Variants in ANO7 observed in about 807,000 individuals in gnomAD.
ANO7 encodes anoctamin-7.
In ANO7, 114 loss-of-function variants were observed where a neutral mutation model predicts 115.8. That is an observed-to-expected ratio of 0.98 (90% CI 0.85 to 1.15). The LOEUF is 1.15. Among genes scored for constraint, ANO7 ranks in the 50% most tolerant of loss-of-function variants. The pLI, the probability that ANO7 is intolerant of heterozygous loss-of-function variation, is 0.00. For synonymous variants in ANO7, 550 were observed against 498.2 expected, an observed-to-expected ratio of 1.10 and a Z score of -1.38; for missense variants, 1,302 against 1,201.2, an observed-to-expected ratio of 1.08 and a Z score of -1.24.
At chr2:241,239,871 CAG>C in the ANO7 span, 2 of 1,612,702 alleles carry the variant, frequency 1.2e-6, no homozygotes, top group Non-Finnish European at 8.5e-7. This position sits in a 1 kb window ranked among gnomAD's most constrained non-coding sequence, Gnocchi z 4.6. Context: ...ACGGCCCCAG[CAG>C]AGTCGGCCGC....
Position 241,224,183 on chromosome 2 carries a change from G to A in ANO7, c.*30G>A. 4 of 1,613,048 alleles carry A rather than the reference G, an allele frequency of 2.5e-6. No homozygotes were observed. Among genetic ancestry groups the A allele is most frequent in the Non-Finnish European group, 3.4e-6 (4 of 1,179,316 alleles). ...TGGAAGGACATCTGGTGGTCCTTAG[G>A]GGAGTGGCCCCTCCTGAGCCCTGCG... On this transcript the variant is annotated 3_prime_UTR_variant, in exon 25 of 25. Coordinates refer to ENST00000674324, the MANE Select transcript of ANO7 (RefSeq NM_001370694.2).
At chr2:241,196,443 C>T (rs529686055) in intron 4 of ANO7, among the ~76,000 whole-genome samples, 3 of 152,312 alleles carry the variant, frequency 2.0e-5, no homozygotes, top group South Asian at 4.1e-4. Flanking sequence ...CAAGCGGCTC[C>T]TTCCTTCTCT....
chr2:241,197,376 A>G (rs1190281382), intron 4 of ANO7, among the ~76,000 whole-genome samples: 2 of 152,052 alleles, frequency 1.3e-5, no homozygotes, highest in South Asian at 2.1e-4. Context: ...CTGGGATTAC[A>G]GGCGTGAGCC....
chr2:241,190,677 CG>C (rs2068179130), intron 2 of ANO7, among the ~76,000 whole-genome samples: 1 of 152,182 alleles, frequency 6.6e-6, no homozygotes, highest in Non-Finnish European at 1.5e-5. Flanking sequence ...CAGCAGCCTG[CG>C]GGTGGACACG....
rs780963487 is a variant in ANO7 at position 241,223,935 on chromosome 2, G to A, written c.2563G>A (p.Glu855Lys). ...TTTTGGAACGAACGGAACAAAGGAT[G>A]AGCAGCCCGAGGGCTCAGAGGCAAG... is the stretch of plus-strand genomic sequence containing the variant. ...VLFGTNGTKDEQPEGSELSSH... is the reference protein window; with the variant it reads ...VLFGTNGTKDKQPEGSELSSH... Residue 855 changes from glutamate to lysine, a missense_variant, in exon 24 of 25, where the codon GAG (glutamate) becomes AAG (lysine). By Grantham distance (56) the Glu-to-Lys change is moderately conservative. Coordinates refer to ENST00000674324, the MANE Select transcript of ANO7 (RefSeq NM_001370694.2). 6.2e-7 allele frequency: 1 copy of A among 1,609,942 alleles called. No homozygotes were observed. Among genetic ancestry groups the A allele is most frequent in the Admixed American group, 1.7e-5 (1 of 59,934 alleles).
At chr2:241,194,841 G>A (rs1443591515) in intron 3 of ANO7, among the ~76,000 whole-genome samples, 1 of 152,190 alleles carries the variant, frequency 6.6e-6, no homozygotes, top group Non-Finnish European at 1.5e-5. Context: ...ACTCTGCACA[G>A]TTTCAGGCAT....
At chr2:241,200,544 C>A (rs1385265976) in intron 6 of ANO7, among the ~76,000 whole-genome samples, 1 of 152,186 alleles carries the variant, frequency 6.6e-6, no homozygotes, top group Non-Finnish European at 1.5e-5. Context: ...AGGGCCCGGG[C>A]GATGGAGGCT....
At chr2:241,201,214 G>A (rs2149159089) in intron 6 of ANO7, 84 bp from the exon 7 acceptor site, 1 of 1,495,754 alleles carries the variant, frequency 6.7e-7, no homozygotes, top group Non-Finnish European at 8.9e-7. Context: ...CCGTTCACAT[G>A]CCCGCAGCTT....
In ANO7 at chr2:241,217,751, C is replaced by T. The variant is rs961183595; in HGVS notation, c.2038C>T (p.Leu680Phe). The T allele has an allele frequency of 6.2e-7, 1 of 1,607,602 alleles. No homozygotes were observed. Among genetic ancestry groups the T allele is most frequent in the East Asian group, 2.2e-5 (1 of 44,732 alleles). The change falls in exon 20 of 25, where the codon CTC becomes TTC. Residue 680 changes from leucine to phenylalanine, a missense_variant. Coordinates refer to ENST00000674324, the MANE Select transcript of ANO7 (RefSeq NM_001370694.2). ...ACPLAPLFAL[L>F]NNWVEIRLDA... The stretch of plus-strand genomic sequence containing the variant: ...TCCGCTCGCGCCGCTCTTCGCCCTG[C>T]TCAACAACTGGGTGGAGATCCGCTT...
chr2:241,229,786 C>A, downstream of ANO7: 2 of 525,360 alleles, frequency 3.8e-6, no homozygotes, highest in South Asian at 1.5e-5. Context: ...GCCCGCCTGC[C>A]CGCCCACCCT....
chr2:241,207,022 G>C (rs1235320915), intron 10 of ANO7, among the ~76,000 whole-genome samples: 9 of 132,628 alleles, frequency 6.8e-5, no homozygotes, highest in Non-Finnish European at 1.1e-4. Flanking sequence ...GTGCTCCCAG[G>C]CTGACACAGG....
At chr2:241,216,527 A>G (rs1297609099) in intron 19 of ANO7, among the ~76,000 whole-genome samples, 1 of 152,258 alleles carries the variant, frequency 6.6e-6, no homozygotes, top group Non-Finnish European at 1.5e-5. Context: ...CCTAGAAAGC[A>G]TGGGCCAGAG....
intron 3 of ANO7, among the ~76,000 whole-genome samples, chr2:241,192,134 C>G (rs773610399): frequency 6.6e-6 from 1 of 152,160 alleles, no homozygotes; most frequent in Non-Finnish European, 1.5e-5. Flanking sequence ...GTCGGGAGTT[C>G]GAGACCAGCC....
intron 17 of ANO7, 185 bp downstream of exon 17, chr2:241,212,811 C>T (rs899205117): frequency 1.7e-6 from 1 of 604,568 alleles, no homozygotes; most frequent in Non-Finnish European, 2.9e-6. Flanking sequence ...TTATTCTGAC[C>T]CCCGATATGC....
At chr2:241,195,945 C>T in intron 4 of ANO7, 100 bp downstream of exon 4, 1 of 1,603,508 alleles carries the variant, frequency 6.2e-7, no homozygotes, top group Non-Finnish European at 8.5e-7. Flanking sequence ...TCCAGAGTCC[C>T]AGAGCAGATC....
At chr2:241,199,154 T>C (rs1014756087) in intron 4 of ANO7, 162 bp from the exon 5 acceptor site, 1 of 663,328 alleles carries the variant, frequency 1.5e-6, no homozygotes, top group African/African-American at 1.8e-5. Context: ...CAGAGGCGTA[T>C]CCATGGGAGT....
chr2:241,214,617 G>C (rs2068782772), intron 17 of ANO7, among the ~76,000 whole-genome samples, 188 bp from the exon 18 acceptor site: 1 of 152,210 alleles, frequency 6.6e-6, no homozygotes, highest in African/African-American at 2.4e-5. Flanking sequence ...CTTCCAGCTG[G>C]ACCTGGGGGC....
At chr2:241,219,830 C>T (rs1234495312) in intron 21 of ANO7, among the ~76,000 whole-genome samples, 1 of 151,744 alleles carries the variant, frequency 6.6e-6, no homozygotes, top group Non-Finnish European at 1.5e-5. Context: ...GCCCTGGCCT[C>T]CCAAAGCACT....
intron 4 of ANO7, among the ~76,000 whole-genome samples, chr2:241,197,565 G>A (rs553328191): frequency 6.6e-6 from 1 of 151,370 alleles, no homozygotes; most frequent in East Asian, 2.0e-4. Flanking sequence ...TTTTTGTAGA[G>A]ATGAGGTCTC....
Sources: gnomAD v4.1 joint callset for allele counts (sites outside exome capture counted in the v4.1 genomes callset) on GRCh38, gnomAD v4.1.1 for gene constraint, Gnocchi (gnomAD v3.1) non-coding constraint, MANE v1.5 for transcripts, NCBI Gene and HGNC (gene_info 2026-07-23, HGNC 2026-07-21) for gene names.